The following NDUFS5 variants were observed in gnomAD, a reference collection of about 807,000 sequenced individuals.
The protein encoded by NDUFS5 is NADH:ubiquinone oxidoreductase subunit S5, also known as NADH dehydrogenase [ubiquinone] iron-sulfur protein 5.
In NDUFS5, 7 loss-of-function variants were observed where a neutral mutation model predicts 10.5. That is an observed-to-expected ratio of 0.66 (90% CI 0.38 to 1.25). The LOEUF (loss-of-function observed/expected upper bound fraction) is 1.25. Among genes scored for constraint, NDUFS5 ranks in the 50% most tolerant of loss-of-function variants. NDUFS5 has a pLI of 0.02. For synonymous variants in NDUFS5, 38 were observed against 44.0 expected (o/e 0.86, Z 0.54); for missense variants, 148 against 140.7 (o/e 1.05, Z -0.26).
chr1:39,028,993 TC>T, intron 2 of NDUFS5, 53 bp downstream of exon 2: 53 of 1,346,046 alleles, frequency 3.9e-5, no homozygotes, highest in Middle Eastern at 1.8e-4. Context: ...CCTTTGGGAC[TC>T]TTTTTTTTTT....
rs183648905 is a variant in NDUFS5, at chr1:39,031,277, C to T, written c.216+2337C>T. Among the ~76,000 whole-genome samples the T allele has an allele frequency of 2.2e-3, 337 of 152,140 alleles. 3 individuals are homozygous for T. The highest frequency in any genetic ancestry group is 8.0e-3 in the African/African-American group (331 of 41,540). ...GATCCCACATTGGCCTCCCAAAGTGCTGGAATTACAGGTGTGAGCCACCAC... is the reference window on the plus strand; with the variant it reads ...GATCCCACATTGGCCTCCCAAAGTGTTGGAATTACAGGTGTGAGCCACCAC... On this transcript the variant is annotated intron_variant, in intron 2 of 2. Coordinates refer to ENST00000372969, the MANE Select transcript of NDUFS5 (RefSeq NM_004552.3).
chr1:39,028,546 A>C (rs1644168515), intron 1 of NDUFS5, among the ~76,000 whole-genome samples, 177 bp from the exon 2 acceptor site: 1 of 152,210 alleles, frequency 6.6e-6, no homozygotes, highest in South Asian at 2.1e-4. Context: ...TATCTGCCAT[A>C]AACTGGAAGA....
At chr1:39,027,519 T>A (rs2148079802) in intron 1 of NDUFS5, among the ~76,000 whole-genome samples, 1 of 151,758 alleles carries the variant, frequency 6.6e-6, no homozygotes, top group African/African-American at 2.4e-5. Context: ...TGCATGTAAA[T>A]TTTTTTCCCT....
intron 1 of NDUFS5, among the ~76,000 whole-genome samples, chr1:39,027,552 G>A (rs922467852): frequency 7.2e-6 from 1 of 138,778 alleles, no homozygotes; most frequent in Non-Finnish European, 1.6e-5. Flanking sequence ...AGTCTACAAA[G>A]TAAGTCTTAA....
intron 2 of NDUFS5, among the ~76,000 whole-genome samples, chr1:39,033,887 G>A (rs866479818): frequency 2.6e-5 from 4 of 151,298 alleles, no homozygotes; most frequent in Middle Eastern, 3.2e-3. Context: ...TGCAACCTCC[G>A]CCTCCCAAGT....
chr1:39,031,612 CACTA>C (rs1172315861), intron 2 of NDUFS5, among the ~76,000 whole-genome samples: 2 of 152,124 alleles, frequency 1.3e-5, no homozygotes, highest in African/African-American at 4.8e-5. Flanking sequence ...AGCAAACCAC[CACTA>C]GTTTTGTGAC....
At chr1:39,027,942 CGA>C (rs1644163526) in intron 1 of NDUFS5, among the ~76,000 whole-genome samples, 1 of 147,918 alleles carries the variant, frequency 6.8e-6, no homozygotes, top group Non-Finnish European at 1.5e-5. Context: ...CTCAGCCTCC[CGA>C]ATAGTTGGGA....
At position 39,028,816 on chromosome 1, in the gene NDUFS5, G is replaced by C. The variant is rs1290392947; in HGVS notation, c.92G>C (p.Gly31Ala). Residue 31 changes from glycine to alanine, a missense_variant, in exon 2 of 3, where the codon GGT (glycine) becomes GCT (alanine). Coordinates refer to ENST00000372969, the MANE Select transcript of NDUFS5 (RefSeq NM_004552.3). ...GGTGAACAGCCCTACAAGATGGCTG[G>C]TCGATGCCATGCTTTTGAAAAAGAA... ...QSGEQPYKMA[G>A]RCHAFEKEWI... The C allele has an allele frequency of 6.2e-7, 1 of 1,614,118 alleles. No individual in the cohort carries two copies. The highest frequency in any genetic ancestry group is 1.1e-5 in the South Asian group (1 of 91,080).
At chr1:39,027,501 T>C (rs563004992) in intron 1 of NDUFS5, among the ~76,000 whole-genome samples, 6 of 152,086 alleles carry the variant, frequency 3.9e-5, no homozygotes, top group Admixed American at 3.9e-4. Context: ...TTAACATTAT[T>C]ATGTATTTGC....
chr1:39,028,290 G>T (rs1644166540), intron 1 of NDUFS5, among the ~76,000 whole-genome samples: 2 of 151,822 alleles, frequency 1.3e-5, no homozygotes, highest in African/African-American at 4.8e-5. Flanking sequence ...AAATTAGCTG[G>T]GCGTGGTGGT....
At chr1:39,031,351 C>T (rs941533673) in intron 2 of NDUFS5, among the ~76,000 whole-genome samples, 1 of 151,956 alleles carries the variant, frequency 6.6e-6, no homozygotes, top group Admixed American at 6.6e-5. Flanking sequence ...TTCTGTCACC[C>T]GGGCTGGAGT....
chr1:39,031,188 A>G (rs528388228), intron 2 of NDUFS5, among the ~76,000 whole-genome samples: 85 of 151,618 alleles, frequency 5.6e-4, no homozygotes, highest in Non-Finnish European at 8.5e-4. Context: ...GATTTTATTT[A>G]TATAAAATAG....
At chr1:39,028,992 C>CTA in intron 2 of NDUFS5, 52 bp downstream of exon 2, 14 of 1,308,236 alleles carry the variant, frequency 1.1e-5, no homozygotes, top group Non-Finnish European at 1.4e-5. Context: ...TCCTTTGGGA[C>CTA]TCTTTTTTTT....
chr1:39,027,018 G>A (rs1006591447), intron 1 of NDUFS5, among the ~76,000 whole-genome samples: 1 of 152,210 alleles, frequency 6.6e-6, no homozygotes, highest in Admixed American at 6.5e-5. Flanking sequence ...TGCCTGGAAC[G>A]TAACTACTCA....
intron 2 of NDUFS5, 105 bp from the exon 3 acceptor site, chr1:39,034,287 G>A: frequency 2.1e-6 from 2 of 975,534 alleles, no homozygotes; most frequent in South Asian, 2.7e-5. Flanking sequence ...AAGATGAAAG[G>A]CCTTTTGTAG....
chr1:39,028,118 C>A (rs1644164950), intron 1 of NDUFS5, among the ~76,000 whole-genome samples: 1 of 143,922 alleles, frequency 6.9e-6, no homozygotes, highest in African/African-American at 2.5e-5. Flanking sequence ...CCGCGCCTGG[C>A]CCACAAGTGG....
Position 39,034,393 on chromosome 1 carries a change from T to A in NDUFS5, c.218T>A (p.Met73Lys), listed in dbSNP as rs374387980. ...FVECLLRQKTMRRAGTIRKQR... is the reference protein window; with the variant it reads ...FVECLLRQKTKRRAGTIRKQR... ...TTAATTACCATTTTCCTTTGACAGA[T>A]GAGACGTGCAGGTACCATCAGGAAG... Residue 73 changes from methionine to lysine, a missense_variant and splice_region_variant, in exon 3 of 3, where the codon ATG (methionine) becomes AAG (lysine). Coordinates refer to ENST00000372969, the MANE Select transcript of NDUFS5 (RefSeq NM_004552.3). 1 of 1,612,820 alleles carries A rather than the reference T, an allele frequency of 6.2e-7. No individual in the cohort carries two copies. Among genetic ancestry groups the A allele is most frequent in the Non-Finnish European group, 8.5e-7 (1 of 1,179,262 alleles).
In NDUFS5 at chr1:39,028,903, A is replaced by G; in HGVS notation, c.179A>G (p.Tyr60Cys). ...GCAGAGAAAGAGTGCAAGATAGAAT[A>G]TGATGATTTCGTAGAGTGTTTGCTT... ...TRAEKECKIE[Y>C]DDFVECLLRQ... is the part of the protein sequence containing the mutation. Residue 60 changes from tyrosine to cysteine, a missense_variant, in exon 2 of 3, where the codon TAT (tyrosine) becomes TGT (cysteine). Transcript: ENST00000372969. 8 of 1,613,854 alleles carry G rather than the reference A, an allele frequency of 5.0e-6. No individual in the cohort carries two copies. The highest frequency in any genetic ancestry group is 6.8e-6 in the Non-Finnish European group (8 of 1,179,934).
chr1:39,033,473 T>TGA (rs1470459757), intron 2 of NDUFS5, among the ~76,000 whole-genome samples: 1 of 148,950 alleles, frequency 6.7e-6, no homozygotes, highest in East Asian at 2.2e-4. Flanking sequence ...CTCGGGAGGC[T>TGA]GAGGCAGGAG....
Sources: allele counts gnomAD v4.1 joint callset (sites outside exome capture counted in the v4.1 genomes callset), GRCh38; gene constraint gnomAD v4.1.1; transcripts MANE v1.5; gene names NCBI Gene and HGNC (gene_info 2026-07-23, HGNC 2026-07-21).